The following PGAP4 variants were observed in gnomAD, a reference collection of about 807,000 sequenced individuals.
PGAP4 encodes the protein post-GPI attachment to proteins GalNAc transferase 4.
A neutral mutation model predicts 28.2 loss-of-function variants in PGAP4; 12 were observed. That is an observed-to-expected ratio of 0.42 (90% confidence interval 0.27 to 0.69). The LOEUF is 0.69. Among genes scored for constraint, PGAP4 ranks in the 30% least tolerant of loss-of-function variants. The pLI is 0.22. For synonymous variants in PGAP4, 205 were observed against 211.8 expected (o/e 0.97, Z 0.28); for missense variants, 425 against 513.5 (o/e 0.83, Z 1.67).
upstream of PGAP4, among the ~76,000 whole-genome samples, chr9:101,490,483 C>T (rs1416457067): frequency 1.3e-5 from 2 of 152,238 alleles, no homozygotes; most frequent in Non-Finnish European, 2.9e-5. Context: ...AGCCACTGCG[C>T]TCAGCCCAAA....
At position 101,486,668 on chromosome 9, in the gene PGAP4, C is replaced by A. The variant is rs890999806; in HGVS notation, c.-78+281G>T. 2.6e-5 allele frequency among the ~76,000 whole-genome samples: 4 copies of A among 152,176 alleles called. No homozygotes were observed. The highest frequency in any genetic ancestry group is 9.6e-5 in the African/African-American group (4 of 41,462). On this transcript the variant is annotated intron_variant, in intron 1 of 1. Transcript: ENST00000374848. This position sits in a 1 kb window ranked among gnomAD's most constrained non-coding sequence, Gnocchi z 4.7. ...GCGCCCCCGAGACACTCAACCATCC[C>A]CGCACTGATGCGGGCCCCTGCTGCC...
chr9:101,525,484 A>T (rs897362673), intron 2 of PGAP4, among the ~76,000 whole-genome samples: 1 of 151,988 alleles, frequency 6.6e-6, no homozygotes, highest in Admixed American at 6.5e-5. Context: ...AGGTGGGCAG[A>T]TTGCCTGATG....
At chr9:101,509,384 G>A (rs560498566) in intron 2 of PGAP4, among the ~76,000 whole-genome samples, 1 of 152,302 alleles carries the variant, frequency 6.6e-6, no homozygotes, top group African/African-American at 2.4e-5. Context: ...CAAAGTGACA[G>A]GTTGAATTTG....
chr9:101,511,946 G>A (rs535493099), intron 2 of PGAP4, among the ~76,000 whole-genome samples: 2 of 152,198 alleles, frequency 1.3e-5, no homozygotes, highest in African/African-American at 4.8e-5. Context: ...TCCACCCAAT[G>A]CCAAATAGTC....
At chr9:101,497,837 T>G (rs142353723) in intron 2 of PGAP4, among the ~76,000 whole-genome samples, 3 of 151,884 alleles carry the variant, frequency 2.0e-5, no homozygotes, top group African/African-American at 7.2e-5. Context: ...GATTTTGCCA[T>G]GTAGACACAA....
intron 2 of PGAP4, among the ~76,000 whole-genome samples, chr9:101,520,157 T>A (rs1169000157): frequency 6.6e-6 from 1 of 152,178 alleles, no homozygotes; most frequent in Admixed American, 6.5e-5. Flanking sequence ...TGCCTCCAGA[T>A]TTGTTCTTTT....
chr9:101,481,282 A>T (rs993536792), intron 1 of PGAP4: 1 of 152,174 alleles, frequency 6.6e-6, no homozygotes, highest in East Asian at 1.9e-4. Flanking sequence ...TTGGGGAAGG[A>T]GTTTTTTTAC....
exon 1 of PGAP4, chr9:101,532,941 C>T (rs528244746): frequency 7.2e-5 from 11 of 152,284 alleles, no homozygotes; most frequent in Non-Finnish European, 1.3e-4. Context: ...AGCGATCATT[C>T]TTCCATTTCT....
intron 2 of PGAP4, among the ~76,000 whole-genome samples, chr9:101,518,412 C>T (rs1826958963): frequency 6.6e-6 from 1 of 152,118 alleles, no homozygotes; most frequent in African/African-American, 2.4e-5. Context: ...TATTTGTAGT[C>T]TTTTATCCCT....
chr9:101,476,209 A>G lies in PGAP4; in HGVS notation c.884T>C (p.Leu295Pro). ...ACCCATGCTATACAGGGAGAAGAAG[A>G]GCATTACAGGCCAGCTAAACCCTGG... Reference protein sequence around the residue: ...SRPGFSWPVMLFFSLYSMGLV... With the variant: ...SRPGFSWPVMPFFSLYSMGLV... Residue 295 changes from leucine to proline, a missense_variant, in exon 2 of 2, where the codon CTC becomes CCC. Transcript: ENST00000374848. The surrounding 1 kb of genome is among the most constrained non-coding windows in gnomAD (Gnocchi z 7.0). The G allele has an allele frequency of 6.2e-7, 1 of 1,614,160 alleles. No homozygotes were observed. The highest frequency in any genetic ancestry group is 8.5e-7 in the Non-Finnish European group (1 of 1,180,022).
chr9:101,477,397 C>G (rs941828334), intron 1 of PGAP4, among the ~76,000 whole-genome samples: 12 of 152,086 alleles, frequency 7.9e-5, no homozygotes, highest in Non-Finnish European at 1.5e-4. Flanking sequence ...ATGAGTAATA[C>G]GATCTCGGTG....
intron 2 of PGAP4, among the ~76,000 whole-genome samples, chr9:101,510,253 T>C (rs1385580553): frequency 6.6e-6 from 1 of 152,184 alleles, no homozygotes; most frequent in South Asian, 2.1e-4. Context: ...ACAGGCAGGA[T>C]CAATTCTTCA....
rs778278680 is a variant in PGAP4, at chr9:101,476,952, T to C, written c.141A>G (p.Leu47=). Residue 47 remains leucine, a synonymous_variant, in exon 2 of 2, where the codon CTA becomes CTG. Transcript: ENST00000374848. The surrounding 1 kb of genome is among the most constrained non-coding windows in gnomAD (Gnocchi z 7.0). ...LLAPLACHRL[L]HSYFYLRHWH... ...AATGGCGCAGATAGAAGTAAGAGTG[T>C]AGAAGTCGGTGACAGGCCAGGGGGG... 3.7e-6 allele frequency: 6 copies of C among 1,613,946 alleles called. No individual in the cohort carries two copies. Among genetic ancestry groups the C allele is most frequent in the Admixed American group, 3.3e-5 (2 of 59,996 alleles).
At chr9:101,485,635 A>G (rs1312964989) in intron 1 of PGAP4, among the ~76,000 whole-genome samples, 7 of 152,326 alleles carry the variant, frequency 4.6e-5, no homozygotes, top group African/African-American at 1.7e-4. Flanking sequence ...ATGGGTAATC[A>G]AAGACATGCA....
At chr9:101,491,380 T>C (rs149345483), upstream of PGAP4, among the ~76,000 whole-genome samples, 1 of 152,156 alleles carries the variant, frequency 6.6e-6, no homozygotes, top group Non-Finnish European at 1.5e-5. Flanking sequence ...CAGCATTTGA[T>C]CATTGCTGTT....
intron 1 of PGAP4, among the ~76,000 whole-genome samples, chr9:101,532,217 C>T (rs1021362955): frequency 2.0e-5 from 3 of 151,718 alleles, no homozygotes; most frequent in Admixed American, 1.3e-4. Context: ...TTGCAGTGAG[C>T]CGAGATTGTG....
Position 101,476,971 on chromosome 9 carries a change from A to T in PGAP4, c.122T>A (p.Leu41Gln). Residue 41 changes from leucine to glutamine, a missense_variant, in exon 2 of 2, where the codon CTG becomes CAG. Coordinates refer to ENST00000374848, the MANE Select transcript of PGAP4 (RefSeq NM_032342.3). This position sits in a 1 kb window ranked among gnomAD's most constrained non-coding sequence, Gnocchi z 7.0. ...AGAGTGTAGAAGTCGGTGACAGGCC[A>T]GGGGGGCCAGCAGGCCAAACGTCAC... The part of the protein sequence containing the change: ...TVVTFGLLAP[L>Q]ACHRLLHSYF... 1.3e-6 allele frequency: 2 copies of T among 1,599,002 alleles called. No homozygotes were observed. The highest frequency in any genetic ancestry group is 1.1e-5 in the South Asian group (1 of 90,570).
upstream of PGAP4, among the ~76,000 whole-genome samples, chr9:101,488,640 C>G (rs573633692): frequency 2.0e-5 from 3 of 152,110 alleles, no homozygotes; most frequent in Non-Finnish European, 2.9e-5. Context: ...CATTGAGTAC[C>G]TATTATGATG....
chr9:101,482,108 A>T (rs189049154), intron 1 of PGAP4, among the ~76,000 whole-genome samples: 30 of 152,290 alleles, frequency 2.0e-4, no homozygotes, highest in Non-Finnish European at 3.8e-4. Flanking sequence ...TAAAAAAATC[A>T]TTTATCTCTC....
Sources: gnomAD v4.1 joint callset for allele counts (sites outside exome capture counted in the v4.1 genomes callset) on GRCh38, gnomAD v4.1.1 for gene constraint, Gnocchi (gnomAD v3.1) non-coding constraint, MANE v1.5 for transcripts, NCBI Gene and HGNC (gene_info 2026-07-23, HGNC 2026-07-21) for gene names.